The following ARHGAP42 variants were observed in gnomAD, a reference collection of about 807,000 sequenced individuals.
ARHGAP42 encodes the protein Rho GTPase activating protein 42.
A neutral mutation model predicts 125.0 loss-of-function variants in ARHGAP42; 63 were observed. The observed-to-expected ratio is 0.50, with a 90% CI of 0.41 to 0.62. ARHGAP42 has a LOEUF of 0.62. Ranked by LOEUF, ARHGAP42 falls within the 20% of genes least tolerant of loss-of-function variation. The pLI, the probability that ARHGAP42 is intolerant of heterozygous loss-of-function variation, is 0.00. For missense variants in ARHGAP42, 766 were observed against 1,024.2 expected (o/e 0.75, Z 3.44); for synonymous variants, 339 against 351.0 (o/e 0.97, Z 0.38).
chr11:100,977,102 C>A, intron 21 of ARHGAP42, 131 bp downstream of exon 21: 1 of 1,021,204 alleles, frequency 9.8e-7, no homozygotes, highest in Non-Finnish European at 1.4e-6. Flanking sequence ...TGGGTACAGT[C>A]CACTTCTGTA....
chr11:100,752,638 C>A (rs1463138469), intron 1 of ARHGAP42, among the ~76,000 whole-genome samples: 1 of 152,204 alleles, frequency 6.6e-6, no homozygotes, highest in African/African-American at 2.4e-5. Context: ...GTAACCTGTC[C>A]TCAACCCTCT....
chr11:100,837,691 T>TA (rs1565235588), intron 3 of ARHGAP42, among the ~76,000 whole-genome samples: 6 of 138,216 alleles, frequency 4.3e-5, no homozygotes, highest in Non-Finnish European at 6.3e-5. Flanking sequence ...TTTTTTTTTT[T>TA]TTTTTTAGTA....
chr11:100,851,319 T>C (rs1865199743), intron 3 of ARHGAP42, among the ~76,000 whole-genome samples: 1 of 152,202 alleles, frequency 6.6e-6, no homozygotes, highest in African/African-American at 2.4e-5. Flanking sequence ...TGCATGCCAT[T>C]TATATTTAGT....
At chr11:100,693,282 A>C (rs537631131) in intron 1 of ARHGAP42, among the ~76,000 whole-genome samples, 1 of 151,952 alleles carries the variant, frequency 6.6e-6, no homozygotes, top group Admixed American at 6.6e-5. Context: ...GTGGAGGTGT[A>C]ATTACTTCAA....
chr11:100,937,721 G>A (rs1009005668), intron 8 of ARHGAP42, among the ~76,000 whole-genome samples: 4 of 152,078 alleles, frequency 2.6e-5, no homozygotes, highest in Non-Finnish European at 5.9e-5. Flanking sequence ...ATCTTTGTGG[G>A]CACACAATAT....
intron 1 of ARHGAP42, among the ~76,000 whole-genome samples, chr11:100,721,138 G>T (rs1296733038): frequency 2.0e-5 from 3 of 150,854 alleles, no homozygotes; most frequent in African/African-American, 7.3e-5. Flanking sequence ...ATTACACTGA[G>T]GTTCACTCTG....
chr11:100,797,109 G>C (rs1255022343), intron 3 of ARHGAP42, among the ~76,000 whole-genome samples: 1 of 152,204 alleles, frequency 6.6e-6, no homozygotes, highest in Non-Finnish European at 1.5e-5. Flanking sequence ...GGTGAGGAAA[G>C]CTGCAGAAGA....
At chr11:100,742,633 C>G (rs925833320) in intron 1 of ARHGAP42, among the ~76,000 whole-genome samples, 3 of 152,054 alleles carry the variant, frequency 2.0e-5, no homozygotes, top group Non-Finnish European at 4.4e-5. Context: ...CATCTGTATT[C>G]TGATCTCCTT....
intron 4 of ARHGAP42, among the ~76,000 whole-genome samples, chr11:100,879,501 T>C (rs1565256203): frequency 6.6e-6 from 1 of 152,198 alleles, no homozygotes; most frequent in Non-Finnish European, 1.5e-5. Flanking sequence ...TTTTGTTTGT[T>C]TGTTGTCTGT....
rs181467470 is a variant in ARHGAP42 at position 100,731,539 on chromosome 11, G to A, written c.155-38804G>A. ...AACTGTGGGCAGATCTTTTCATTTT[G>A]CTGCTTACCCAGATATTGTCAATAG... is the stretch of plus-strand genomic sequence containing the variant. On this transcript the variant is annotated intron_variant, in intron 1 of 23. Transcript: ENST00000298815. Among the ~76,000 whole-genome samples, 238 of 152,222 alleles carry A rather than the reference G, an allele frequency of 1.6e-3. 3 individuals carry two copies. The highest frequency in any genetic ancestry group is 5.8e-4 in the East Asian group (3 of 5,182).
intron 2 of ARHGAP42, among the ~76,000 whole-genome samples, chr11:100,782,198 A>G (rs1253778806): frequency 2.0e-5 from 3 of 152,190 alleles, no homozygotes; most frequent in Middle Eastern, 3.2e-3. Context: ...AGGTTCTCAA[A>G]AAACACTCAA....
intron 1 of ARHGAP42, among the ~76,000 whole-genome samples, chr11:100,751,397 G>A (rs918864437): frequency 1.3e-4 from 20 of 150,106 alleles, no homozygotes; most frequent in East Asian, 1.9e-4. Context: ...ATTCTCCTGC[G>A]CCAGCCTTCT....
intron 1 of ARHGAP42, among the ~76,000 whole-genome samples, chr11:100,749,950 C>T (rs552664582): frequency 2.9e-4 from 44 of 152,258 alleles, no homozygotes; most frequent in Non-Finnish European, 6.0e-4. Flanking sequence ...AGGTTGCTGG[C>T]CAGTTTCTTT....
intron 1 of ARHGAP42, among the ~76,000 whole-genome samples, chr11:100,735,026 C>A (rs12291989): frequency 0.021 from 3,251 of 152,042 alleles, 132 homozygotes; most frequent in African/African-American, 0.074. Context: ...ACAACAACAA[C>A]AAAACCCTGT....
chr11:100,784,973 C>T (rs907238320), intron 2 of ARHGAP42, among the ~76,000 whole-genome samples: 3 of 152,132 alleles, frequency 2.0e-5, no homozygotes, highest in South Asian at 2.1e-4. Flanking sequence ...GTGCTAGCAC[C>T]GTATCAGGTA....
At chr11:100,988,159 G>A (rs1396340975) in intron 23 of ARHGAP42, among the ~76,000 whole-genome samples, 4 of 152,056 alleles carry the variant, frequency 2.6e-5, no homozygotes, top group African/African-American at 9.7e-5. Context: ...ATTCCCTCTG[G>A]ATTCATTCCT....
chr11:100,697,190 T>TG (rs1376717145), intron 1 of ARHGAP42, among the ~76,000 whole-genome samples: 4 of 151,716 alleles, frequency 2.6e-5, no homozygotes, highest in Non-Finnish European at 5.9e-5. Flanking sequence ...GGTTTTTTTT[T>TG]TTGTTTTTTT....
intron 1 of ARHGAP42, among the ~76,000 whole-genome samples, chr11:100,711,393 C>T (rs1055265107): frequency 4.6e-5 from 7 of 152,172 alleles, no homozygotes; most frequent in Non-Finnish European, 8.8e-5. Context: ...AGGTCTCTGT[C>T]GCCCATGCTG....
intron 4 of ARHGAP42, among the ~76,000 whole-genome samples, chr11:100,881,659 G>C (rs1031195193): frequency 1.2e-4 from 18 of 152,270 alleles, no homozygotes; most frequent in African/African-American, 4.3e-4. Context: ...TTTGTGGATT[G>C]CTTTTGGCAC....
Sources: allele counts gnomAD v4.1 joint callset (sites outside exome capture counted in the v4.1 genomes callset), GRCh38; gene constraint gnomAD v4.1.1; transcripts MANE v1.5; gene names NCBI Gene and HGNC (gene_info 2026-07-23, HGNC 2026-07-21).